Variants in PDE3A observed in about 807,000 individuals in gnomAD.
The protein encoded by PDE3A is cGMP-inhibited 3',5'-cyclic phosphodiesterase 3A.
In PDE3A, 43 loss-of-function variants were observed where a neutral mutation model predicts 98.3. The observed-to-expected ratio is 0.44, with a 90% CI of 0.34 to 0.56. PDE3A has a LOEUF of 0.56. Among genes scored for constraint, PDE3A ranks in the 20% least tolerant of loss-of-function variants. The pLI, the probability that PDE3A is intolerant of heterozygous loss-of-function variation, is 0.01. For synonymous variants in PDE3A, 663 were observed against 567.9 expected (o/e 1.17, Z -2.38); for missense variants, 1,427 against 1,440.7 (o/e 0.99, Z 0.15).
chr12:20,541,260 G>A (rs1843074418), intron 1 of PDE3A, among the ~76,000 whole-genome samples: 1 of 151,268 alleles, frequency 6.6e-6, no homozygotes, highest in South Asian at 2.1e-4. Flanking sequence ...ACCACACCTG[G>A]CTAATTTTTA....
intron 10 of PDE3A, among the ~76,000 whole-genome samples, chr12:20,641,515 C>A (rs1944646646): frequency 6.6e-6 from 1 of 152,036 alleles, no homozygotes; most frequent in African/African-American, 2.4e-5. Flanking sequence ...TAAGGAACAG[C>A]TAATCACTAG....
chr12:20,668,814 A>C (rs1945391558), intron 15 of PDE3A, among the ~76,000 whole-genome samples: 1 of 151,822 alleles, frequency 6.6e-6, no homozygotes, highest in Non-Finnish European at 1.5e-5. Context: ...AAAGGAACGC[A>C]GTTCCTCACC....
intron 15 of PDE3A, among the ~76,000 whole-genome samples, chr12:20,656,472 T>C (rs974455756): frequency 6.6e-6 from 1 of 152,220 alleles, no homozygotes; most frequent in African/African-American, 2.4e-5. Flanking sequence ...AAGTTGTTTT[T>C]CTTCAATATG....
At chr12:20,618,459 A>G (rs936258123) in intron 4 of PDE3A, among the ~76,000 whole-genome samples, 3 of 152,046 alleles carry the variant, frequency 2.0e-5, no homozygotes, top group Non-Finnish European at 2.9e-5. Context: ...TAGAAACACA[A>G]CTTAACTCAT....
chr12:20,484,926 G>A (rs1190913354), intron 1 of PDE3A, among the ~76,000 whole-genome samples: 3 of 151,952 alleles, frequency 2.0e-5, no homozygotes, highest in Non-Finnish European at 4.4e-5. Flanking sequence ...TGAATTTGGA[G>A]GAAAGAAATG....
At chr12:20,373,388 G>A (rs955324733) in intron 1 of PDE3A, among the ~76,000 whole-genome samples, 2 of 152,084 alleles carry the variant, frequency 1.3e-5, no homozygotes, top group African/African-American at 4.8e-5. Context: ...ATATACAGAG[G>A]TACCTAGACT....
chr12:20,570,264 T>C (rs756089530), intron 2 of PDE3A, among the ~76,000 whole-genome samples: 3 of 151,474 alleles, frequency 2.0e-5, no homozygotes, highest in Non-Finnish European at 2.9e-5. Flanking sequence ...AAAAATTAAC[T>C]GAATGTGATG....
At chr12:20,509,546 G>A (rs1358025811) in intron 1 of PDE3A, among the ~76,000 whole-genome samples, 1 of 152,024 alleles carries the variant, frequency 6.6e-6, no homozygotes, top group Non-Finnish European at 1.5e-5. Flanking sequence ...GTAAAAAACA[G>A]ATATGAATAA....
In PDE3A at chr12:20,598,111, C is replaced by T. The variant is rs139560718; in HGVS notation, c.1012-15332C>T. Reference sequence around the variant, plus strand: ...TTTTAAGTTTGAAAACTTTATTATTCGATTGATGGAATCCTTGATTAGTTG... The same window carrying T: ...TTTTAAGTTTGAAAACTTTATTATTTGATTGATGGAATCCTTGATTAGTTG... On this transcript the variant is annotated intron_variant, in intron 2 of 15. Coordinates refer to ENST00000359062, the MANE Select transcript of PDE3A (RefSeq NM_000921.5). Among the ~76,000 whole-genome samples, 505 of 151,782 alleles carry T rather than the reference C, an allele frequency of 3.3e-3. 3 individuals carry two copies. The highest frequency in any genetic ancestry group is 0.012 in the African/African-American group (492 of 41,406).
chr12:20,562,103 G>A (rs977572160), intron 2 of PDE3A, among the ~76,000 whole-genome samples: 10 of 151,942 alleles, frequency 6.6e-5, no homozygotes, highest in African/African-American at 2.4e-4. Context: ...ACCAAATGAA[G>A]TCAGGGGATG....
chr12:20,523,962 G>C (rs1048447356), intron 1 of PDE3A, among the ~76,000 whole-genome samples: 1 of 152,080 alleles, frequency 6.6e-6, no homozygotes, highest in Non-Finnish European at 1.5e-5. Context: ...CTGATAAAAG[G>C]TATTTTCATA....
intron 2 of PDE3A, among the ~76,000 whole-genome samples, chr12:20,558,378 G>T (rs538085692): frequency 6.6e-6 from 1 of 151,914 alleles, no homozygotes; most frequent in East Asian, 1.9e-4. Context: ...AGCCTGAGGT[G>T]GTTCTAAAAA....
intron 1 of PDE3A, among the ~76,000 whole-genome samples, chr12:20,499,438 G>A (rs961400528): frequency 6.6e-6 from 1 of 152,074 alleles, no homozygotes; most frequent in Non-Finnish European, 1.5e-5. Context: ...CCTTGTATCT[G>A]TTTTAGAATT....
chr12:20,674,755 C>T (rs902920514), intron 15 of PDE3A, among the ~76,000 whole-genome samples: 3 of 152,010 alleles, frequency 2.0e-5, no homozygotes, highest in Non-Finnish European at 4.4e-5. Context: ...AAAATAGTCT[C>T]TGATACTTTT....
intron 1 of PDE3A, among the ~76,000 whole-genome samples, chr12:20,439,357 C>G (rs560084345): frequency 8.5e-5 from 13 of 152,174 alleles, no homozygotes; most frequent in African/African-American, 3.1e-4. Flanking sequence ...CTGTTTATAT[C>G]CACATATCAT....
chr12:20,662,774 G>A (rs1945206837), intron 15 of PDE3A, among the ~76,000 whole-genome samples: 1 of 152,192 alleles, frequency 6.6e-6, no homozygotes, highest in South Asian at 2.1e-4. Context: ...TTTGCAACCT[G>A]AGGATGTGAT....
intron 15 of PDE3A, among the ~76,000 whole-genome samples, chr12:20,671,380 G>A (rs1945476588): frequency 1.3e-5 from 2 of 152,140 alleles, no homozygotes; most frequent in East Asian, 1.9e-4. Flanking sequence ...ACCGAAGCCA[G>A]GCAGAGACAC....
intron 1 of PDE3A, among the ~76,000 whole-genome samples, chr12:20,499,405 T>C (rs111584227): frequency 0.027 from 4,182 of 152,286 alleles, 86 homozygotes; most frequent in Middle Eastern, 0.061. Flanking sequence ...ACAATTTGAC[T>C]GTGGATTGTG....
At chr12:20,424,257 A>G (rs1268310424) in intron 1 of PDE3A, among the ~76,000 whole-genome samples, 1 of 152,204 alleles carries the variant, frequency 6.6e-6, no homozygotes, top group Non-Finnish European at 1.5e-5. Context: ...TTGAAAAGGA[A>G]AAAGTAGTGA....
Sources: gnomAD v4.1 joint callset for allele counts (sites outside exome capture counted in the v4.1 genomes callset) on GRCh38, gnomAD v4.1.1 for gene constraint, MANE v1.5 for transcripts, NCBI Gene and HGNC (gene_info 2026-07-23, HGNC 2026-07-21) for gene names.